PCDHA11: variants seen among roughly 807,000 people sequenced by gnomAD.
The protein encoded by PCDHA11 is protocadherin alpha-11.
In PCDHA11, 61 loss-of-function variants were observed where a neutral mutation model predicts 70.3. The ratio of observed to expected loss-of-function variants is 0.87; its 90% CI spans 0.71 to 1.07. The LOEUF is 1.07. Ranked by LOEUF, PCDHA11 falls within the 50% of genes least tolerant of loss-of-function variation. The probability of loss-of-function intolerance (pLI) is 0.00; values close to 1 mark genes in which losing one functional copy is unlikely to be tolerated. For synonymous variants in PCDHA11, 633 were observed against 555.1 expected, an observed-to-expected ratio of 1.14 and a Z score of -1.97; for missense variants, 1,324 against 1,237.5, an observed-to-expected ratio of 1.07 and a Z score of -1.05.
intron 1 of PCDHA11, chr5:140,876,310 G>A: frequency 6.2e-7 from 1 of 1,613,982 alleles, no homozygotes. Flanking sequence ...AATTTCCTAT[G>A]GGATCAAAAT....
Position 140,871,354 on chromosome 5 carries a change from C to A in PCDHA11, c.2251C>A (p.Gln751Lys). 1 of 1,614,210 alleles carries A rather than the reference C, an allele frequency of 6.2e-7. No individual in the cohort carries two copies. Among genetic ancestry groups the A allele is most frequent in the Non-Finnish European group, 8.5e-7 (1 of 1,180,038 alleles). ...SRAVGSWSYSQQRRQRVCSEE... is the reference protein window; with the variant it reads ...SRAVGSWSYSKQRRQRVCSEE... ...CGCGGTGGGGAGCTGGTCATACTCG[C>A]AGCAGAGGCGGCAGAGGGTGTGCTC... The change falls in exon 1 of 4, where the codon CAG becomes AAG. Residue 751 changes from glutamine to lysine, a missense_variant. Coordinates refer to ENST00000398640, the MANE Select transcript of PCDHA11 (RefSeq NM_018902.5).
At chr5:140,890,822 A>G (rs1044008204) in intron 1 of PCDHA11, among the ~76,000 whole-genome samples, 1 of 152,186 alleles carries the variant, frequency 6.6e-6, no homozygotes, top group Non-Finnish European at 1.5e-5. Context: ...TTTTAAATGT[A>G]CTTACATATT....
At chr5:140,985,377 A>G (rs782189204) in intron 3 of PCDHA11, among the ~76,000 whole-genome samples, 10 of 152,188 alleles carry the variant, frequency 6.6e-5, no homozygotes, top group Non-Finnish European at 5.9e-5. Context: ...CTGGGTCTAT[A>G]TAATCCAGTC....
intron 3 of PCDHA11, among the ~76,000 whole-genome samples, chr5:140,994,116 T>C: frequency 6.6e-6 from 1 of 152,196 alleles, no homozygotes; most frequent in East Asian, 1.9e-4. Context: ...CATTGTCATG[T>C]GATAAGGGCG....
chr5:140,873,785 C>T (rs1035020245), intron 1 of PCDHA11, among the ~76,000 whole-genome samples: 2 of 152,146 alleles, frequency 1.3e-5, no homozygotes, highest in Non-Finnish European at 2.9e-5. Flanking sequence ...CTCAGCTTTC[C>T]GAGAAGCTGG....
chr5:140,961,336 G>C (rs2095605046), intron 1 of PCDHA11, among the ~76,000 whole-genome samples: 1 of 152,178 alleles, frequency 6.6e-6, no homozygotes, highest in African/African-American at 2.4e-5. Context: ...GAGAGACCAA[G>C]AGTGGATCCC....
At chr5:140,940,398 T>C (rs936966571) in intron 1 of PCDHA11, among the ~76,000 whole-genome samples, 10 of 152,340 alleles carry the variant, frequency 6.6e-5, no homozygotes, top group African/African-American at 2.4e-4. Context: ...TATTGTGTTT[T>C]TCATTTTAAA....
At chr5:140,930,446 C>T (rs891083222) in intron 1 of PCDHA11, 1 of 151,964 alleles carries the variant, frequency 6.6e-6, no homozygotes, top group Admixed American at 6.6e-5. Context: ...TGGTCTCAAA[C>T]TCCTAGCCTC....
intron 1 of PCDHA11, chr5:140,929,377 CTGT>C (rs782747382): frequency 6.6e-7 from 1 of 1,514,350 alleles, no homozygotes; most frequent in Non-Finnish European, 8.8e-7. Flanking sequence ...TGGCTGCTAG[CTGT>C]GTTTTGAAAT....
At chr5:140,875,735 C>T in intron 1 of PCDHA11, 1 of 1,614,232 alleles carries the variant, frequency 6.2e-7, no homozygotes. Context: ...TTTGTGAATT[C>T]TCGGATCGAC....
chr5:140,928,791 G>A, intron 1 of PCDHA11: 1 of 1,614,138 alleles, frequency 6.2e-7, no homozygotes, highest in South Asian at 1.1e-5. Flanking sequence ...TTAAGCAGAG[G>A]GTGGTGGTAG....
In PCDHA11 at chr5:141,010,661, C is replaced by T. The variant is rs1331706826; in HGVS notation, c.*724C>T. ...AACAGTTCAGTGTTTTAACAGAGAA[C>T]CACCCTGGGAAACAGAAGCAGATCT... On this transcript the variant is annotated 3_prime_UTR_variant, in exon 4 of 4. Transcript: ENST00000398640. 6.0e-6 allele frequency: 1 copy of T among 166,290 alleles called. No homozygotes were observed. Among genetic ancestry groups the T allele is most frequent in the Non-Finnish European group, 1.3e-5 (1 of 76,066 alleles). 10.3% of individuals were successfully genotyped at this position (166,290 alleles called of 1,614,324 possible).
intron 1 of PCDHA11, among the ~76,000 whole-genome samples, chr5:140,917,059 G>A (rs1174473146): frequency 6.6e-6 from 1 of 152,044 alleles, no homozygotes; most frequent in Non-Finnish European, 1.5e-5. Context: ...TCCCTGCTAC[G>A]ACAGCACCGA....
chr5:140,903,857 T>C (rs2070669832), intron 1 of PCDHA11, among the ~76,000 whole-genome samples: 1 of 152,172 alleles, frequency 6.6e-6, no homozygotes, highest in South Asian at 2.1e-4. Context: ...TAACAAATAA[T>C]ATAGAGTAAA....
chr5:140,878,145 A>G (rs1331184448), intron 1 of PCDHA11: 4 of 183,786 alleles, frequency 2.2e-5, no homozygotes, highest in African/African-American at 9.5e-5. Flanking sequence ...CAGATGTTTG[A>G]TAACTTAAAA....
intron 1 of PCDHA11, chr5:140,883,942 G>A (rs1223058684): frequency 1.9e-6 from 3 of 1,613,328 alleles, no homozygotes; most frequent in African/African-American, 2.7e-5. Context: ...TGCTGGACGA[G>A]AACGACAACG....
intron 1 of PCDHA11, among the ~76,000 whole-genome samples, chr5:140,893,569 A>G (rs750933580): frequency 3.3e-5 from 5 of 152,120 alleles, no homozygotes; most frequent in Non-Finnish European, 7.4e-5. Flanking sequence ...GTACTTCCTC[A>G]GTTTTTGCTT....
At chr5:140,975,017 G>A (rs1474947976) in intron 1 of PCDHA11, among the ~76,000 whole-genome samples, 1 of 152,154 alleles carries the variant, frequency 6.6e-6, no homozygotes, top group Non-Finnish European at 1.5e-5. Flanking sequence ...ACACAGCTGG[G>A]CTGTGTTGTC....
At chr5:140,879,237 G>C (rs999977997) in intron 1 of PCDHA11, among the ~76,000 whole-genome samples, 14 of 152,134 alleles carry the variant, frequency 9.2e-5, no homozygotes, top group African/African-American at 3.4e-4. Context: ...TATACAAGAG[G>C]CACTGGCAAA....
Sources: gnomAD v4.1 joint callset for allele counts (sites outside exome capture counted in the v4.1 genomes callset) on GRCh38, gnomAD v4.1.1 for gene constraint, MANE v1.5 for transcripts, NCBI Gene and HGNC (gene_info 2026-07-23, HGNC 2026-07-21) for gene names.